Variants in WLS observed in about 807,000 individuals in gnomAD.
WLS encodes the protein protein wntless homolog.
WLS carries 23 observed loss-of-function variants against 62.8 expected under a neutral mutation model. The observed-to-expected ratio is 0.37, with a 90% CI of 0.26 to 0.52. The LOEUF is 0.52. WLS is among the 20% of genes least tolerant of loss of function. The pLI is 0.92. For missense variants in WLS, 615 were observed against 697.3 expected (o/e 0.88, Z 1.33); for synonymous variants, 246 against 244.1 (o/e 1.01, Z -0.07).
intron 11 of WLS, among the ~76,000 whole-genome samples, chr1:68,104,765 A>G (rs1570792147): frequency 6.6e-6 from 1 of 151,542 alleles, no homozygotes; most frequent in African/African-American, 2.4e-5. Context: ...AATAATTTTT[A>G]AAAAAGTAGC....
intron 3 of WLS, among the ~76,000 whole-genome samples, chr1:68,156,498 A>G (rs560574139): frequency 9.9e-5 from 15 of 152,216 alleles, no homozygotes; most frequent in African/African-American, 3.4e-4. Context: ...AGAGCTTAGA[A>G]TGCAGTAAAC....
chr1:68,112,524 A>T (rs1646241356), intron 11 of WLS, among the ~76,000 whole-genome samples: 1 of 152,186 alleles, frequency 6.6e-6, no homozygotes, highest in South Asian at 2.1e-4. Context: ...TCTGCTAAAC[A>T]GGCTACTTTA....
chr1:68,186,972 G>A (rs1249246411), intron 2 of WLS, among the ~76,000 whole-genome samples: 1 of 151,786 alleles, frequency 6.6e-6, no homozygotes. Context: ...CGCATTTTGG[G>A]AGGCCGAGGC....
chr1:68,228,180 T>A, intron 1 of WLS: 2 of 406,482 alleles, frequency 4.9e-6, no homozygotes, highest in South Asian at 3.7e-5. Context: ...AACAATGATC[T>A]TTTCTAAAGA....
intron 1 of WLS, among the ~76,000 whole-genome samples, chr1:68,213,451 CAAAAAAAAA>C (rs900446226): frequency 1.6e-4 from 8 of 51,186 alleles, no homozygotes; most frequent in Admixed American, 1.2e-3. Context: ...AACTTCATTC[CAAAAAAAAA>C]AAAAAAAAAA....
intron 10 of WLS, among the ~76,000 whole-genome samples, chr1:68,143,686 G>A (rs1459537420): frequency 6.6e-6 from 1 of 152,148 alleles, no homozygotes; most frequent in Non-Finnish European, 1.5e-5. Flanking sequence ...TACCATCTAG[G>A]TTTGTGTAAG....
intron 2 of WLS, among the ~76,000 whole-genome samples, chr1:68,185,524 A>G (rs146267110): frequency 2.0e-5 from 3 of 152,268 alleles, no homozygotes; most frequent in African/African-American, 7.2e-5. Context: ...GCCTCCTGTC[A>G]GATCAGCTGG....
At chr1:68,168,442 G>A (rs910620127) in intron 2 of WLS, among the ~76,000 whole-genome samples, 1 of 152,192 alleles carries the variant, frequency 6.6e-6, no homozygotes, top group Admixed American at 6.5e-5. Context: ...TATGGAAACA[G>A]TGGGAACTAC....
chr1:68,176,752 C>A (rs183760829), intron 2 of WLS, among the ~76,000 whole-genome samples: 6 of 152,332 alleles, frequency 3.9e-5, no homozygotes, highest in Admixed American at 1.3e-4. Context: ...CACTTTCTCA[C>A]CTAGAAATCA....
At position 68,126,215 on chromosome 1, in the gene WLS, G is replaced by C; in HGVS notation, c.*11C>G. 1 of 1,613,996 alleles carries C rather than the reference G, an allele frequency of 6.2e-7. No homozygotes were observed. Among genetic ancestry groups the C allele is most frequent in the Non-Finnish European group, 8.5e-7 (1 of 1,179,972 alleles). On this transcript the variant is annotated 3_prime_UTR_variant, in exon 12 of 12. Transcript: ENST00000262348. ...TATGGAGAGACCGTCCCAGCCGGGC[G>C]CTGCAGCCTCCTACTCCTGGGCCTC...
chr1:68,124,019 A>T (rs945333396), downstream of WLS, among the ~76,000 whole-genome samples: 3 of 152,180 alleles, frequency 2.0e-5, no homozygotes, highest in Non-Finnish European at 4.4e-5. Flanking sequence ...GACATTTGTC[A>T]TCCAAGAATC....
At chr1:68,179,414 T>C (rs547952625) in intron 2 of WLS, among the ~76,000 whole-genome samples, 4 of 152,268 alleles carry the variant, frequency 2.6e-5, no homozygotes, top group Non-Finnish European at 5.9e-5. Flanking sequence ...TAACATCATG[T>C]ACACTCATAG....
chr1:68,128,675 A>G (rs1646471123), intron 11 of WLS, among the ~76,000 whole-genome samples: 1 of 152,218 alleles, frequency 6.6e-6, no homozygotes, highest in Non-Finnish European at 1.5e-5. Context: ...AAAACAGCCA[A>G]AATTGCCTTG....
intron 11 of WLS, among the ~76,000 whole-genome samples, chr1:68,115,268 G>A (rs750527205): frequency 1.5e-4 from 23 of 152,234 alleles, no homozygotes; most frequent in Non-Finnish European, 2.9e-4. Context: ...AAGATCTGTT[G>A]CTTCCAGATT....
At chr1:68,181,223 A>C (rs962684295) in intron 2 of WLS, among the ~76,000 whole-genome samples, 1 of 152,202 alleles carries the variant, frequency 6.6e-6, no homozygotes, top group African/African-American at 2.4e-5. Context: ...TGAAAGACCC[A>C]AAGTTAGAAG....
At chr1:68,183,649 G>A (rs934417170) in intron 2 of WLS, 4 of 420,118 alleles carry the variant, frequency 9.5e-6, no homozygotes, top group African/African-American at 8.4e-5. Context: ...GAAATTCAGA[G>A]AATTGTTTAT....
rs140522560 is a variant in WLS, at chr1:68,135,542, G to C, written c.1516+2238C>G. On this transcript the variant is annotated intron_variant, in intron 11 of 11. Transcript: ENST00000262348. ...CAGAGGGTTAAGTGTTTTGCCAACA[G>C]TCACACAGTAAAAACAACCAAAAGA... Among the ~76,000 whole-genome samples, 163 of 152,216 alleles carry C rather than the reference G, an allele frequency of 1.1e-3. 2 individuals carry two copies. The highest frequency in any genetic ancestry group is 2.0e-3 in the Non-Finnish European group (135 of 68,006).
At chr1:68,201,550 A>C (rs1251781567) in intron 1 of WLS, among the ~76,000 whole-genome samples, 1 of 152,266 alleles carries the variant, frequency 6.6e-6, no homozygotes, top group African/African-American at 2.4e-5. Context: ...TGGAGAGCTG[A>C]AAGTGTGTCT....
chr1:68,215,672 A>G (rs1043145462), intron 1 of WLS, among the ~76,000 whole-genome samples: 1 of 152,236 alleles, frequency 6.6e-6, no homozygotes, highest in African/African-American at 2.4e-5. Flanking sequence ...TTAAACTGGA[A>G]TTATTCTAAA....
Sources: allele counts gnomAD v4.1 joint callset (sites outside exome capture counted in the v4.1 genomes callset), GRCh38; gene constraint gnomAD v4.1.1; transcripts MANE v1.5; gene names NCBI Gene and HGNC (gene_info 2026-07-23, HGNC 2026-07-21).